AGBL1: variants seen among roughly 807,000 people sequenced by gnomAD.
The protein encoded by AGBL1 is AGBL carboxypeptidase 1.
A neutral mutation model predicts 118.9 loss-of-function variants in AGBL1; 130 were observed. The ratio of observed to expected loss-of-function variants is 1.09; its 90% CI spans 0.95 to 1.26. AGBL1 has a LOEUF of 1.26. AGBL1 is among the 50% of genes most tolerant of loss of function. The pLI, the probability that AGBL1 is intolerant of heterozygous loss-of-function variation, is 0.00. For synonymous variants in AGBL1, 555 were observed against 478.9 expected, an observed-to-expected ratio of 1.16 and a Z score of -2.08; for missense variants, 1,584 against 1,298.1, an observed-to-expected ratio of 1.22 and a Z score of -3.38.
chr15:86,987,802 A>G (rs953338076), intron 23 of AGBL1, among the ~76,000 whole-genome samples: 1 of 152,132 alleles, frequency 6.6e-6, no homozygotes, highest in Admixed American at 6.5e-5. Context: ...GTATATTTTA[A>G]TAAGAAATAG....
chr15:86,568,014 C>T (rs2083941853), intron 21 of AGBL1, among the ~76,000 whole-genome samples: 1 of 152,078 alleles, frequency 6.6e-6, no homozygotes, highest in African/African-American at 2.4e-5. Context: ...TAGAAAATTC[C>T]CCATGGCTTT....
intron 22 of AGBL1, among the ~76,000 whole-genome samples, chr15:86,705,973 A>G (rs2086442301): frequency 6.6e-6 from 1 of 152,150 alleles, no homozygotes; most frequent in Non-Finnish European, 1.5e-5. Context: ...CTTTTGGAAA[A>G]AAAAAACTTT....
intron 22 of AGBL1, among the ~76,000 whole-genome samples, chr15:86,846,169 A>T (rs2079314162): frequency 1.3e-5 from 2 of 151,792 alleles, no homozygotes; most frequent in South Asian, 4.2e-4. Flanking sequence ...AACTTAAATG[A>T]CTCTTCAGTA....
chr15:86,816,185 G>A (rs1287298405), intron 22 of AGBL1, among the ~76,000 whole-genome samples: 1 of 152,186 alleles, frequency 6.6e-6, no homozygotes, highest in Non-Finnish European at 1.5e-5. Context: ...CCCACCTTTA[G>A]GACAGAGGAC....
chr15:86,806,873 T>C (rs2078721649), intron 22 of AGBL1, among the ~76,000 whole-genome samples: 1 of 151,890 alleles, frequency 6.6e-6, no homozygotes, highest in Admixed American at 6.6e-5. Context: ...TCTATTGTAC[T>C]GTGTTATATA....
At chr15:86,388,637 A>C (rs2081231926) in intron 17 of AGBL1, among the ~76,000 whole-genome samples, 1 of 152,168 alleles carries the variant, frequency 6.6e-6, no homozygotes, top group African/African-American at 2.4e-5. Context: ...CCCTCACTAT[A>C]TCATATTTTG....
intron 21 of AGBL1, among the ~76,000 whole-genome samples, chr15:86,570,826 T>C (rs1390698160): frequency 6.6e-6 from 1 of 152,182 alleles, no homozygotes; most frequent in Non-Finnish European, 1.5e-5. Context: ...CAAGTTTTGC[T>C]TGGGCCCTCT....
intron 7 of AGBL1, among the ~76,000 whole-genome samples, chr15:86,255,994 T>A (rs945246136): frequency 6.6e-6 from 1 of 152,204 alleles, no homozygotes; most frequent in Non-Finnish European, 1.5e-5. Flanking sequence ...CTGTGACTTA[T>A]TGGCCTCAGA....
At chr15:86,649,180 T>C (rs1017069217) in intron 21 of AGBL1, among the ~76,000 whole-genome samples, 5 of 152,104 alleles carry the variant, frequency 3.3e-5, no homozygotes, top group African/African-American at 1.2e-4. Context: ...TTAAAGAGTG[T>C]CATGGGTAGT....
At chr15:86,126,286 A>G (rs557696961) in intron 1 of AGBL1, among the ~76,000 whole-genome samples, 1 of 152,298 alleles carries the variant, frequency 6.6e-6, no homozygotes, top group Non-Finnish European at 1.5e-5. Flanking sequence ...ATTTTCACAT[A>G]AAAACAGTTT....
rs1567194390 is a variant in AGBL1, at chr15:86,827,338, T to TAC, written c.3159-79749_3159-79748insAC. On this transcript the variant is annotated intron_variant, in intron 22 of 22. Transcript: ENST00000614907. The stretch of plus-strand genomic sequence containing the variant: ...ATATACACACACATATATATATATA[T>TAC]GTGTATATATATATATATATATATG... Among the ~76,000 whole-genome samples, 2 of 7,562 alleles carry TAC rather than the reference T, an allele frequency of 2.6e-4. 1 individual carries two copies. Among genetic ancestry groups the TAC allele is most frequent in the Admixed American group, 5.1e-3 (2 of 392 alleles). 5.0% of individuals were successfully genotyped at this position (7,562 alleles called of 152,430 possible).
chr15:86,292,474 C>T lies in AGBL1; in HGVS notation c.2221-2781C>T, dbSNP rs72754216. On this transcript the variant is annotated intron_variant, in intron 16 of 22. Transcript: ENST00000614907. The stretch of plus-strand genomic sequence containing the variant: ...GTGGGACCCATTTTAGACTACTGAC[C>T]TTCAGAACTATAAGATAATAAATTT... Among the ~76,000 whole-genome samples the T allele has an allele frequency of 8.4e-3, 1,283 of 152,196 alleles. 8 individuals carry two copies. The highest frequency in any genetic ancestry group is 0.048 in the Middle Eastern group (14 of 294).
At chr15:86,436,600 T>C (rs2082002977) in intron 18 of AGBL1, among the ~76,000 whole-genome samples, 1 of 152,066 alleles carries the variant, frequency 6.6e-6, no homozygotes, top group Admixed American at 6.6e-5. Flanking sequence ...GTAAATAGAG[T>C]GACGAAGACC....
intron 18 of AGBL1, among the ~76,000 whole-genome samples, chr15:86,424,152 CA>C (rs1411966098): frequency 8.5e-5 from 13 of 152,086 alleles, no homozygotes; most frequent in African/African-American, 3.1e-4. Flanking sequence ...CTACAGTAAC[CA>C]AAACAGCATG....
chr15:86,460,415 G>A (rs1171608482), intron 18 of AGBL1, among the ~76,000 whole-genome samples: 1 of 149,642 alleles, frequency 6.7e-6, no homozygotes, highest in East Asian at 2.0e-4. Flanking sequence ...AGGATTCCTT[G>A]AGCCCAGGAA....
intron 18 of AGBL1, among the ~76,000 whole-genome samples, chr15:86,476,592 A>T (rs1164984258): frequency 6.6e-6 from 1 of 152,180 alleles, no homozygotes; most frequent in African/African-American, 2.4e-5. Flanking sequence ...AAGTCCTTAG[A>T]GACCTACAAA....
chr15:86,229,196 A>G (rs1023367391), intron 6 of AGBL1, among the ~76,000 whole-genome samples: 11 of 152,132 alleles, frequency 7.2e-5, no homozygotes, highest in South Asian at 4.1e-4. Context: ...TTCCCTCTGT[A>G]TTAGTCTGTT....
rs183886809 is a variant in AGBL1 at position 86,610,518 on chromosome 15, T to C, written c.2994+55981T>C. On this transcript the variant is annotated intron_variant, in intron 21 of 22. Transcript: ENST00000614907. ...GCTAAAAAAGTCAGCCTGGGGCTGC[T>C]CACTGTTCTGCCCCAGGGAGAAACA... Among the ~76,000 whole-genome samples, 217 of 152,302 alleles carry C rather than the reference T, an allele frequency of 1.4e-3. 1 individual carries two copies. In the South Asian group the frequency reaches 0.018, roughly 13 times the overall value.
intron 23 of AGBL1, among the ~76,000 whole-genome samples, chr15:86,972,770 C>G (rs2081122950): frequency 6.6e-6 from 1 of 152,038 alleles, no homozygotes; most frequent in Admixed American, 6.6e-5. Flanking sequence ...TTTCTTTTCT[C>G]TTTCATTGTA....
Sources: allele counts gnomAD v4.1 joint callset (sites outside exome capture counted in the v4.1 genomes callset), GRCh38; gene constraint gnomAD v4.1.1; transcripts MANE v1.5; gene names NCBI Gene and HGNC (gene_info 2026-07-23, HGNC 2026-07-21).